The following SVIL variants were observed in gnomAD, a reference collection of about 807,000 sequenced individuals.
The protein encoded by SVIL is archvillin.
SVIL carries 101 observed loss-of-function variants against 240.4 expected under a neutral mutation model. The observed-to-expected ratio is 0.42, with a 90% CI of 0.36 to 0.50. SVIL has a LOEUF of 0.50. Ranked by LOEUF, SVIL falls within the 20% of genes least tolerant of loss-of-function variation. The pLI is 0.01. For synonymous variants in SVIL, 999 were observed against 1,100.0 expected (o/e 0.91, Z 1.82); for missense variants, 2,512 against 2,818.7 (o/e 0.89, Z 2.46).
At chr10:29,730,892 T>C (rs1589595496) in intron 1 of SVIL, among the ~76,000 whole-genome samples, 1 of 152,336 alleles carries the variant, frequency 6.6e-6, no homozygotes, top group East Asian at 1.9e-4. Context: ...GGGCCATTTA[T>C]TCACAATTCA....
chr10:29,555,632 C>A (rs1268807803), intron 3 of SVIL, among the ~76,000 whole-genome samples: 2 of 152,122 alleles, frequency 1.3e-5, no homozygotes, highest in Non-Finnish European at 2.9e-5. Flanking sequence ...GGTTTTATTT[C>A]ATCTAGGGGA....
intron 17 of SVIL, among the ~76,000 whole-genome samples, chr10:29,509,370 A>AGAGAGAGAGAGAGG (rs1949653981): frequency 7.0e-6 from 1 of 143,236 alleles, no homozygotes; most frequent in Non-Finnish European, 1.5e-5. Context: ...AGAGAGAGAG[A>AGAGAGAGAGAGAGG]GAGAGAGAGA....
chr10:29,649,985 C>T (rs1005587542), intron 3 of SVIL, among the ~76,000 whole-genome samples: 2 of 152,168 alleles, frequency 1.3e-5, no homozygotes, highest in South Asian at 2.1e-4. Context: ...CCATGTGATG[C>T]CTTCTGCCAG....
At position 29,488,689 on chromosome 10, in the gene SVIL, G is replaced by T; in HGVS notation, c.4260C>A (p.Asn1420Lys). 6.2e-7 allele frequency: 1 copy of T among 1,612,950 alleles called. No individual in the cohort carries two copies. The highest frequency in any genetic ancestry group is 8.5e-7 in the Non-Finnish European group (1 of 1,179,546). ...AGLASKENFSNVSLRSVNLTE... is the reference protein window; with the variant it reads ...AGLASKENFSKVSLRSVNLTE... ...TCAGGTTGACGCTCCGCAGGCTGAC[G>T]TTGCTGAAGTTTTCTTTACTGGCTA... Residue 1420 changes from asparagine to lysine, a missense_variant, in exon 23 of 38, where the codon AAC (asparagine) becomes AAA (lysine). This residue lies in a region of SVIL where 272 missense variants were observed against 406.8 expected (regional missense o/e 0.67). Transcript: ENST00000355867.
intron 3 of SVIL, among the ~76,000 whole-genome samples, chr10:29,561,505 T>G (rs748261584): frequency 6.6e-5 from 10 of 152,256 alleles, no homozygotes; most frequent in Admixed American, 2.6e-4. Flanking sequence ...CAGCTATTGC[T>G]AATATGGATT....
chr10:29,568,130 G>A (rs1038630024), intron 2 of SVIL, among the ~76,000 whole-genome samples: 1 of 151,986 alleles, frequency 6.6e-6, no homozygotes, highest in Non-Finnish European at 1.5e-5. Flanking sequence ...GTGACGTTTC[G>A]TGAGTCAGTT....
intron 1 of SVIL, among the ~76,000 whole-genome samples, chr10:29,688,575 C>A (rs1961267335): frequency 6.6e-6 from 1 of 152,202 alleles, no homozygotes; most frequent in South Asian, 2.1e-4. Flanking sequence ...TAGTTTGTTT[C>A]TTCCTGTTTA....
chr10:29,634,726 G>A lies in SVIL; in HGVS notation c.-507C>T, dbSNP rs1204336214. 3 of 152,198 alleles carry A rather than the reference G, an allele frequency of 2.0e-5. No individual in the cohort carries two copies. Among genetic ancestry groups the A allele is most frequent in the Non-Finnish European group, 4.4e-5 (3 of 68,034 alleles). The allele number at this position is 152,198 out of a possible 1,614,324, so 9.4% of individuals were successfully genotyped here. A position where few individuals can be genotyped will look rare whatever the true frequency, so the allele number is the denominator to read the frequency against. On this transcript the variant is annotated 5_prime_UTR_variant, in exon 1 of 38. Transcript: ENST00000355867. ...TTCAGAACAGGATAAATTTAGAATGGTGTTTTCCAAAAGGCTTTTTGGATG... is the reference window on the plus strand; with the variant it reads ...TTCAGAACAGGATAAATTTAGAATGATGTTTTCCAAAAGGCTTTTTGGATG...
In SVIL at chr10:29,722,281, C is replaced by T. The variant is rs12572192; in HGVS notation, c.-400+13470G>A. 7.4e-5 allele frequency among the ~76,000 whole-genome samples: 11 copies of T among 148,760 alleles called. No individual in the cohort carries two copies. In the East Asian group the frequency reaches 9.9e-4, roughly 13 times the overall value. On this transcript the variant is annotated intron_variant, in intron 1 of 35. Coordinates refer to the SVIL transcript ENST00000375400. ...AGAAAAAAAACTGCATCAGCAAGTA[C>T]GAGTTTTTAAAATGCAAAAATTTCC...
chr10:29,622,046 C>A (rs917893864), intron 1 of SVIL, among the ~76,000 whole-genome samples: 7 of 151,100 alleles, frequency 4.6e-5, no homozygotes, highest in African/African-American at 1.5e-4. Flanking sequence ...GTCAGGAGAT[C>A]GAGACCATCC....
At chr10:29,587,667 C>A (rs1270528290) in intron 1 of SVIL, among the ~76,000 whole-genome samples, 7 of 152,202 alleles carry the variant, frequency 4.6e-5, no homozygotes, top group Non-Finnish European at 7.3e-5. Context: ...TCTTTGCCTT[C>A]TCCCAACCTC....
intron 32 of SVIL, 67 bp from the exon 33 acceptor site, chr10:29,467,942 T>A: frequency 6.5e-7 from 1 of 1,528,594 alleles, no homozygotes; most frequent in Middle Eastern, 1.8e-4. Context: ...AAATTATTAT[T>A]ACTATTATGA....
intron 1 of SVIL, among the ~76,000 whole-genome samples, chr10:29,699,581 G>A (rs1486426495): frequency 1.3e-5 from 2 of 152,222 alleles, no homozygotes; most frequent in Admixed American, 1.3e-4. Context: ...TGGGATTACA[G>A]GTGTGAGCCG....
intron 2 of SVIL, among the ~76,000 whole-genome samples, chr10:29,670,379 T>C (rs1175994107): frequency 6.6e-6 from 1 of 152,176 alleles, no homozygotes; most frequent in South Asian, 2.1e-4. Flanking sequence ...CTTTATAAAA[T>C]AGATCAACAA....
chr10:29,493,691 C>T (rs563553878), intron 20 of SVIL, among the ~76,000 whole-genome samples: 34 of 152,000 alleles, frequency 2.2e-4, no homozygotes, highest in Non-Finnish European at 3.8e-4. Flanking sequence ...GTGAACCAGC[C>T]TCAGCCTCAT....
chr10:29,703,907 T>A (rs1962703805), intron 1 of SVIL, among the ~76,000 whole-genome samples: 1 of 152,068 alleles, frequency 6.6e-6, no homozygotes, highest in Non-Finnish European at 1.5e-5. Flanking sequence ...GCTCAAGTGA[T>A]CCTCCAACCC....
chr10:29,639,615 G>C (rs370908534), upstream of SVIL, among the ~76,000 whole-genome samples: 33 of 151,790 alleles, frequency 2.2e-4, no homozygotes, highest in African/African-American at 7.5e-4. Flanking sequence ...ATCACAGGCA[G>C]ATGCCACCAC....
chr10:29,661,125 C>T (rs1330049809), intron 2 of SVIL, among the ~76,000 whole-genome samples: 1 of 151,512 alleles, frequency 6.6e-6, no homozygotes, highest in Non-Finnish European at 1.5e-5. Context: ...CGAGATTGCG[C>T]CACTGCACTC....
chr10:29,509,811 T>C (rs539861632), intron 17 of SVIL, among the ~76,000 whole-genome samples: 6 of 152,138 alleles, frequency 3.9e-5, no homozygotes, highest in Non-Finnish European at 8.8e-5. Context: ...GATTGTGCCA[T>C]TGCACTCCAG....
Sources: gnomAD v4.1 joint callset for allele counts (sites outside exome capture counted in the v4.1 genomes callset) on GRCh38, gnomAD v4.1.1 for gene constraint, gnomAD v4.1.1 regional missense constraint, MANE v1.5 for transcripts, NCBI Gene and HGNC (gene_info 2026-07-23, HGNC 2026-07-21) for gene names.